NAA35: variants seen among roughly 807,000 people sequenced by gnomAD.
The protein encoded by NAA35 is N-alpha-acetyltransferase 35, NatC auxiliary subunit.
Under a neutral mutation model 101.7 loss-of-function variants are expected in NAA35, and 18 were observed. The ratio of observed to expected loss-of-function variants is 0.18; its 90% confidence interval spans 0.12 to 0.26. The LOEUF (loss-of-function observed/expected upper bound fraction) is 0.26, where lower values mean the gene tolerates loss of function less well. Ranked by LOEUF, NAA35 falls within the 10% of genes least tolerant of loss-of-function variation. The pLI is 1.00. For missense variants in NAA35, 601 were observed against 886.8 expected (o/e 0.68, Z 4.09); for synonymous variants, 267 against 273.1 (o/e 0.98, Z 0.22).
intron 6 of NAA35, among the ~76,000 whole-genome samples, chr9:85,971,777 C>T (rs1416809495): frequency 6.6e-6 from 1 of 152,136 alleles, no homozygotes; most frequent in South Asian, 2.1e-4. Flanking sequence ...TAGTTTACCT[C>T]ATATCCACAT....
intron 2 of NAA35, among the ~76,000 whole-genome samples, chr9:85,947,684 C>G (rs1489975401): frequency 6.6e-6 from 1 of 152,184 alleles, no homozygotes; most frequent in Non-Finnish European, 1.5e-5. Context: ...GCCAGGTATA[C>G]TGCTCATTCA....
chr9:85,978,707 T>C (rs1052552078), intron 11 of NAA35, among the ~76,000 whole-genome samples: 1 of 152,134 alleles, frequency 6.6e-6, no homozygotes, highest in Non-Finnish European at 1.5e-5. Flanking sequence ...AGAGTTTAAT[T>C]ATCATGAGTC....
rs142806360 is a variant in NAA35, at chr9:86,017,553, T to C, written c.1761T>C (p.Ala587=). 5.6e-6 allele frequency: 9 copies of C among 1,613,262 alleles called. No homozygotes were observed. The African/African-American group carries it at 1.2e-4, about 22-fold the overall frequency. The change falls in exon 19 of 23, where the codon GCT becomes GCC. Residue 587 remains alanine, a synonymous_variant. Coordinates refer to ENST00000361671, the MANE Select transcript of NAA35 (RefSeq NM_024635.4). Reference sequence around the variant, plus strand: ...GCCAAGCATATCAGAACATGTGTGCTGGAATGTTTAAAGTAAGTTGTTGAA... The same window carrying C: ...GCCAAGCATATCAGAACATGTGTGCCGGAATGTTTAAAGTAAGTTGTTGAA... ...TMSQAYQNMC[A]GMFKTMVAFD...
At chr9:85,961,191 C>T (rs1031078246) in intron 5 of NAA35, among the ~76,000 whole-genome samples, 2 of 152,156 alleles carry the variant, frequency 1.3e-5, no homozygotes, top group African/African-American at 4.8e-5. Flanking sequence ...CAAATACACA[C>T]CTTAATTACA....
Position 86,007,375 on chromosome 9 carries a change from T to A in NAA35, c.1134T>A (p.Asp378Glu). Residue 378 changes from aspartate to glutamate, a missense_variant, in exon 14 of 23, where the codon GAT (aspartate) becomes GAA (glutamate). Asp to Glu is a conservative substitution (Grantham distance 45, BLOSUM62 2). This residue lies in a region of NAA35 where 190 missense variants were observed against 223.1 expected (regional missense o/e 0.85). Transcript: ENST00000361671. The stretch of plus-strand genomic sequence containing the variant: ...GTTTTAAGACCACTTTCCTGGTGGA[T>A]AACAAAAAGGTCTTTGGAACTCATC... ...RSLLQTTFLVDNKKVFGTHLM... is the reference protein window; with the variant it reads ...RSLLQTTFLVENKKVFGTHLM... The A allele has an allele frequency of 6.2e-7, 1 of 1,613,176 alleles. No individual in the cohort carries two copies. Among genetic ancestry groups the A allele is most frequent in the Non-Finnish European group, 8.5e-7 (1 of 1,179,342 alleles).
chr9:86,006,800 G>A (rs145913853), intron 13 of NAA35, among the ~76,000 whole-genome samples: 2 of 152,214 alleles, frequency 1.3e-5, no homozygotes, highest in Non-Finnish European at 2.9e-5. Flanking sequence ...TTTACCATAT[G>A]TAAATTTTAA....
intron 6 of NAA35, among the ~76,000 whole-genome samples, chr9:85,966,059 C>T (rs989439561): frequency 3.9e-5 from 6 of 152,138 alleles, no homozygotes; most frequent in African/African-American, 1.4e-4. Flanking sequence ...TTGTCTCAAG[C>T]CTCCCGAGTA....
intron 11 of NAA35, among the ~76,000 whole-genome samples, chr9:85,983,978 T>C (rs909410373): frequency 1.8e-4 from 22 of 119,438 alleles, no homozygotes; most frequent in African/African-American, 6.9e-4. Context: ...ATATAAAGGA[T>C]AAACTAATAA....
At chr9:86,021,702 A>C (rs1832566404) in intron 22 of NAA35, among the ~76,000 whole-genome samples, 199 bp from the exon 23 acceptor site, 1 of 152,230 alleles carries the variant, frequency 6.6e-6, no homozygotes, top group Non-Finnish European at 1.5e-5. Flanking sequence ...TATGATCTTC[A>C]TAAAACTCAA....
chr9:85,986,363 C>T (rs191707367), intron 11 of NAA35: 133 of 466,696 alleles, frequency 2.8e-4, no homozygotes, highest in African/African-American at 2.5e-3. Flanking sequence ...TATGATCTAA[C>T]AGTGTTGTAG....
At chr9:86,016,059 G>A (rs530517410) in intron 17 of NAA35, among the ~76,000 whole-genome samples, 12 of 151,404 alleles carry the variant, frequency 7.9e-5, no homozygotes, top group African/African-American at 2.4e-4. Flanking sequence ...GACTTTTCTG[G>A]CTTAGCAGTG....
At chr9:85,966,733 T>A (rs1379408885) in intron 6 of NAA35, 1 of 750,684 alleles carries the variant, frequency 1.3e-6, no homozygotes, top group Non-Finnish European at 2.0e-6. Context: ...TGGCAAACAG[T>A]TTAATAATGT....
At chr9:86,011,313 A>C (rs1327545757) in intron 15 of NAA35, among the ~76,000 whole-genome samples, 3 of 151,974 alleles carry the variant, frequency 2.0e-5, no homozygotes, top group Non-Finnish European at 4.4e-5. Flanking sequence ...AAAAAATGCA[A>C]ATCTTGTAGT....
At chr9:85,981,647 T>A (rs1830445461) in intron 11 of NAA35, among the ~76,000 whole-genome samples, 1 of 152,188 alleles carries the variant, frequency 6.6e-6, no homozygotes, top group African/African-American at 2.4e-5. Flanking sequence ...TTGGCTTGAA[T>A]AAACCTTTTA....
intron 14 of NAA35, among the ~76,000 whole-genome samples, chr9:86,008,394 T>G (rs576535975): frequency 1.3e-5 from 2 of 152,334 alleles, no homozygotes; most frequent in African/African-American, 4.8e-5. Context: ...GTGTAATTTT[T>G]GTTAGCTCAA....
chr9:85,959,376 C>CA (rs397955563), intron 4 of NAA35, among the ~76,000 whole-genome samples: 2,930 of 62,254 alleles, frequency 0.047, 90 homozygotes, highest in East Asian at 0.15. Context: ...GACTCTGTCT[C>CA]AAAAAAAAAA....
chr9:86,011,589 G>A (rs1462505348), intron 15 of NAA35, among the ~76,000 whole-genome samples: 1 of 151,100 alleles, frequency 6.6e-6, no homozygotes, highest in African/African-American at 2.4e-5. Context: ...AAACTCCTGA[G>A]CTCAAGTGAT....
At chr9:85,984,883 A>G (rs1425831181) in intron 11 of NAA35, among the ~76,000 whole-genome samples, 1 of 152,218 alleles carries the variant, frequency 6.6e-6, no homozygotes, top group Non-Finnish European at 1.5e-5. Context: ...TCAACTCAGA[A>G]TGGATCAGTG....
chr9:86,003,547 C>T (rs1328923), intron 12 of NAA35, 38 bp from the exon 13 acceptor site: 1 of 1,256,844 alleles, frequency 8.0e-7, no homozygotes, highest in East Asian at 2.4e-5. Flanking sequence ...TTTATTTAAT[C>T]TATTAATGAC....
Sources: gnomAD v4.1 joint callset for allele counts (sites outside exome capture counted in the v4.1 genomes callset) on GRCh38, gnomAD v4.1.1 for gene constraint, gnomAD v4.1.1 regional missense constraint, MANE v1.5 for transcripts, NCBI Gene and HGNC (gene_info 2026-07-23, HGNC 2026-07-21) for gene names.